WWOX: variants seen among roughly 807,000 people sequenced by gnomAD.
The protein encoded by WWOX is WW domain containing oxidoreductase.
A neutral mutation model predicts 46.2 loss-of-function variants in WWOX; 69 were observed. The observed-to-expected ratio is 1.49, with a 90% CI of 1.23 to 1.82. The LOEUF (loss-of-function observed/expected upper bound fraction) is 1.82, where lower values mean the gene tolerates loss of function less well. Among genes scored for constraint, WWOX ranks in the 40% most tolerant of loss-of-function variants. The pLI, the probability that WWOX is intolerant of heterozygous loss-of-function variation, is 0.00. For missense variants in WWOX, 919 were observed against 542.6 expected (o/e 1.69, Z -6.89); for synonymous variants, 359 against 202.6 (o/e 1.77, Z -6.56).
In WWOX at chr16:78,319,603, A is replaced by G. The variant is rs115484699; in HGVS notation, c.517-67257A>G. On this transcript the variant is annotated intron_variant, in intron 5 of 8. Coordinates refer to ENST00000566780, the MANE Select transcript of WWOX (RefSeq NM_016373.4). ...CAGTTGGTCTTCTGACTCCAGAGCT[A>G]TAAAAGAATAAATGTGTGTTATTTC... Among the ~76,000 whole-genome samples the G allele has an allele frequency of 2.3e-3, 356 of 152,274 alleles. 1 individual carries two copies. Among genetic ancestry groups the G allele is most frequent in the African/African-American group, 8.3e-3 (347 of 41,564 alleles).
rs191510318 is a variant in WWOX, at chr16:79,201,500, C to T, written c.1057-10108C>T. 1.4e-3 allele frequency among the ~76,000 whole-genome samples: 219 copies of T among 152,180 alleles called. 2 individuals are homozygous for T. The highest frequency in any genetic ancestry group is 4.4e-3 in the Admixed American group (68 of 15,282). On this transcript the variant is annotated intron_variant, in intron 8 of 8. Coordinates refer to ENST00000566780, the MANE Select transcript of WWOX (RefSeq NM_016373.4). ...CATTCTTCAAGGGCTCCAGAGAGTC[C>T]CTTGTGCCATCAAATTAAGTTTGGA...
Position 79,153,389 on chromosome 16 carries a change from G to A in WWOX, c.1057-58219G>A, listed in dbSNP as rs546136692. 1.6e-4 allele frequency among the ~76,000 whole-genome samples: 25 copies of A among 152,222 alleles called. No homozygotes were observed. The South Asian group carries it at 5.2e-3, about 32-fold the overall frequency. Reference sequence around the variant, plus strand: ...CAAGCAGAGCCCTCCTCTGCTGTGGGTACTTACTTAGGGAACTGTGGAGGT... The same window carrying A: ...CAAGCAGAGCCCTCCTCTGCTGTGGATACTTACTTAGGGAACTGTGGAGGT... On this transcript the variant is annotated intron_variant, in intron 8 of 8. Coordinates refer to ENST00000566780, the MANE Select transcript of WWOX (RefSeq NM_016373.4).
At chr16:78,577,137 G>A (rs2044902074) in intron 8 of WWOX, among the ~76,000 whole-genome samples, 1 of 152,124 alleles carries the variant, frequency 6.6e-6, no homozygotes, top group African/African-American at 2.4e-5. Flanking sequence ...GTGTCTCATA[G>A]GGTTGGGCTG....
chr16:78,928,260 T>C (rs575649727), intron 8 of WWOX, among the ~76,000 whole-genome samples: 2 of 149,774 alleles, frequency 1.3e-5, no homozygotes, highest in East Asian at 3.9e-4. Context: ...TGGAGTGCAG[T>C]GGCGCGATCT....
intron 8 of WWOX, among the ~76,000 whole-genome samples, chr16:79,023,504 G>T (rs1258893157): frequency 6.6e-6 from 1 of 152,196 alleles, no homozygotes; most frequent in Non-Finnish European, 1.5e-5. Context: ...CTGGCCAGGA[G>T]ACTAGGCATT....
chr16:79,028,617 C>A (rs575570534), intron 8 of WWOX, among the ~76,000 whole-genome samples: 1 of 150,800 alleles, frequency 6.6e-6, no homozygotes, highest in Admixed American at 6.6e-5. Context: ...TACTTTTTTC[C>A]TGAATTAGGG....
chr16:78,811,746 A>C (rs2051195422), intron 8 of WWOX, among the ~76,000 whole-genome samples: 1 of 151,802 alleles, frequency 6.6e-6, no homozygotes, highest in East Asian at 1.9e-4. Flanking sequence ...TAAACCTAAC[A>C]ACCTCTCCAG....
chr16:78,734,122 G>T (rs371866341), intron 8 of WWOX, among the ~76,000 whole-genome samples: 1 of 151,964 alleles, frequency 6.6e-6, no homozygotes, highest in African/African-American at 2.4e-5. Flanking sequence ...ATACACACAC[G>T]TAAAATGAAA....
At chr16:78,736,639 C>T (rs1354898594) in intron 8 of WWOX, among the ~76,000 whole-genome samples, 1 of 151,944 alleles carries the variant, frequency 6.6e-6, no homozygotes, top group Non-Finnish European at 1.5e-5. Context: ...TCTCTTTCCC[C>T]CAGGCTACAG....
intron 8 of WWOX, among the ~76,000 whole-genome samples, chr16:78,649,663 G>A (rs1001312905): frequency 6.6e-6 from 1 of 152,146 alleles, no homozygotes; most frequent in Non-Finnish European, 1.5e-5. Flanking sequence ...CTTTACTTAT[G>A]ACTCTGCCCC....
intron 8 of WWOX, among the ~76,000 whole-genome samples, chr16:78,458,280 A>G (rs1488954167): frequency 1.3e-5 from 1 of 77,532 alleles, no homozygotes; most frequent in Non-Finnish European, 2.6e-5. Context: ...TTTTTTTTTG[A>G]TACAGGGTCT....
intron 8 of WWOX, among the ~76,000 whole-genome samples, chr16:78,564,426 A>T (rs2044514089): frequency 6.6e-6 from 1 of 152,168 alleles, no homozygotes; most frequent in Admixed American, 6.5e-5. Context: ...CATTTCATCC[A>T]GGGTTATATG....
chr16:79,031,668 C>T (rs182426458), intron 8 of WWOX, among the ~76,000 whole-genome samples: 1 of 149,058 alleles, frequency 6.7e-6, no homozygotes, highest in Admixed American at 6.7e-5. Flanking sequence ...CATTTAATAC[C>T]ATCTTTTTTG....
chr16:78,571,851 G>A (rs1267669881), intron 8 of WWOX, among the ~76,000 whole-genome samples: 3 of 152,124 alleles, frequency 2.0e-5, no homozygotes, highest in Non-Finnish European at 4.4e-5. Flanking sequence ...GGGCAACAGA[G>A]CTAGATTCCA....
At chr16:78,191,486 C>T (rs1054055138) in intron 5 of WWOX, among the ~76,000 whole-genome samples, 1 of 152,110 alleles carries the variant, frequency 6.6e-6, no homozygotes, top group African/African-American at 2.4e-5. Context: ...AATGTATGGT[C>T]CCAACGTTTT....
In WWOX at chr16:78,143,752, GTTTTTT is replaced by G. The variant is rs200125720; in HGVS notation, c.410-20417_410-20412del. ...CTCATTCCTCTAAAAGAATTGGTAT[GTTTTTT>G]TTTTTTTTTTTTTGGTGGTGGTTGT... On this transcript the variant is annotated intron_variant, in intron 4 of 8. Coordinates refer to ENST00000566780, the MANE Select transcript of WWOX (RefSeq NM_016373.4). 1.2e-3 allele frequency among the ~76,000 whole-genome samples: 140 copies of G among 120,224 alleles called. 2 individuals carry two copies. Among genetic ancestry groups the G allele is most frequent in the African/African-American group, 3.9e-3 (130 of 33,172 alleles). The allele number at this position is 120,224 out of a possible 152,430, so 78.9% of individuals were successfully genotyped here. A position where few individuals can be genotyped will look rare whatever the true frequency, so the allele number is the denominator to read the frequency against.
At chr16:78,683,462 C>A (rs1271121069) in intron 8 of WWOX, among the ~76,000 whole-genome samples, 2 of 151,826 alleles carry the variant, frequency 1.3e-5, no homozygotes, top group African/African-American at 4.8e-5. Context: ...ATCACTTGAA[C>A]CGGGGAGGTG....
chr16:78,842,727 C>A (rs963282024), intron 8 of WWOX, among the ~76,000 whole-genome samples: 2 of 152,086 alleles, frequency 1.3e-5, no homozygotes, highest in African/African-American at 4.8e-5. Flanking sequence ...CAACTCACAC[C>A]TGTAGCCGCA....
intron 8 of WWOX, among the ~76,000 whole-genome samples, chr16:78,729,683 A>G (rs2048921307): frequency 6.6e-6 from 1 of 152,128 alleles, no homozygotes; most frequent in South Asian, 2.1e-4. Context: ...GCAAAAGAAC[A>G]AGTTTCTGTT....
Sources: allele counts gnomAD v4.1 joint callset (sites outside exome capture counted in the v4.1 genomes callset), GRCh38; gene constraint gnomAD v4.1.1; transcripts MANE v1.5; gene names NCBI Gene and HGNC (gene_info 2026-07-23, HGNC 2026-07-21).